KCNIP4: variants seen among roughly 807,000 people sequenced by gnomAD.
KCNIP4 encodes potassium voltage-gated channel interacting protein 4.
A neutral mutation model predicts 34.0 loss-of-function variants in KCNIP4; 12 were observed. The observed-to-expected ratio is 0.35, with a 90% CI of 0.23 to 0.57. The LOEUF (loss-of-function observed/expected upper bound fraction) is 0.57, where lower values mean the gene tolerates loss of function less well. Among genes scored for constraint, KCNIP4 ranks in the 20% least tolerant of loss-of-function variants. KCNIP4 has a pLI of 0.83. For synonymous variants in KCNIP4, 124 were observed against 102.2 expected (o/e 1.21, Z -1.29); for missense variants, 238 against 311.7 (o/e 0.76, Z 1.78).
chr4:21,742,408 C>T (rs1716473420), intron 1 of KCNIP4, among the ~76,000 whole-genome samples: 2 of 152,164 alleles, frequency 1.3e-5, no homozygotes, highest in Non-Finnish European at 2.9e-5. Flanking sequence ...CGATTTAGCT[C>T]CCTACATGGA....
intron 1 of KCNIP4, among the ~76,000 whole-genome samples, chr4:21,707,151 C>T (rs1262287427): frequency 6.6e-6 from 1 of 152,172 alleles, no homozygotes; most frequent in Non-Finnish European, 1.5e-5. Context: ...ATACGATAAA[C>T]ATTTTAGGTA....
At chr4:21,468,464 C>T (rs532008282) in intron 1 of KCNIP4, among the ~76,000 whole-genome samples, 1 of 152,236 alleles carries the variant, frequency 6.6e-6, no homozygotes, top group South Asian at 2.1e-4. Flanking sequence ...GTAAGTTGTG[C>T]TTTCATCGCT....
chr4:20,910,861 C>T (rs2149569960), intron 1 of KCNIP4, among the ~76,000 whole-genome samples: 1 of 152,266 alleles, frequency 6.6e-6, no homozygotes, highest in South Asian at 2.1e-4. Context: ...TTGAGTGTGA[C>T]ACAGCTCCTA....
In KCNIP4 at chr4:21,860,362, G is replaced by A. The variant is rs1332996129; in HGVS notation, c.61+88209C>T. 2.0e-5 allele frequency among the ~76,000 whole-genome samples: 3 copies of A among 152,086 alleles called. No homozygotes were observed. The East Asian group carries it at 5.8e-4, about 30-fold the overall frequency. ...TTAGCCAGGCTGGTCTCGAACTCCT[G>A]ACCTCAAGTGATCCGCCTGCCTCAG... On this transcript the variant is annotated intron_variant, in intron 1 of 8. Transcript: ENST00000382152.
intron 1 of KCNIP4, among the ~76,000 whole-genome samples, chr4:21,680,689 C>G (rs1750277310): frequency 6.6e-6 from 1 of 152,224 alleles, no homozygotes; most frequent in East Asian, 1.9e-4. Flanking sequence ...TAACATTAAT[C>G]TCTTTGTCTA....
intron 1 of KCNIP4, among the ~76,000 whole-genome samples, chr4:21,254,543 C>G (rs1244699155): frequency 2.0e-5 from 3 of 152,096 alleles, no homozygotes; most frequent in Non-Finnish European, 1.5e-5. Flanking sequence ...TTTTAATTGA[C>G]AAATAAAAAT....
chr4:21,647,319 A>G (rs528264703), intron 1 of KCNIP4, among the ~76,000 whole-genome samples: 10 of 152,258 alleles, frequency 6.6e-5, no homozygotes, highest in Admixed American at 2.0e-4. Context: ...ACTACAATTT[A>G]TCTTCCTAAT....
At chr4:21,438,663 TTAAAC>T (rs1727170487) in intron 1 of KCNIP4, among the ~76,000 whole-genome samples, 1 of 152,214 alleles carries the variant, frequency 6.6e-6, no homozygotes, top group South Asian at 2.1e-4. Context: ...TACCAGATAT[TTAAAC>T]TAATGTGGAC....
At chr4:21,014,898 G>A (rs1236029338) in intron 1 of KCNIP4, among the ~76,000 whole-genome samples, 1 of 152,084 alleles carries the variant, frequency 6.6e-6, no homozygotes, top group Non-Finnish European at 1.5e-5. Flanking sequence ...ACAAAATATG[G>A]CATAATATAC....
chr4:21,500,694 T>C (rs996983820), intron 1 of KCNIP4, among the ~76,000 whole-genome samples: 3 of 152,144 alleles, frequency 2.0e-5, no homozygotes, highest in Non-Finnish European at 4.4e-5. Context: ...ACAGTAAAAG[T>C]ACTGTCATAA....
intron 1 of KCNIP4, among the ~76,000 whole-genome samples, chr4:21,573,959 CAAG>C (rs949685145): frequency 6.6e-6 from 1 of 152,028 alleles, no homozygotes; most frequent in African/African-American, 2.4e-5. Context: ...GAACACTTTC[CAAG>C]AAGATCTACC....
Position 20,815,798 on chromosome 4 carries a change from C to G in KCNIP4, c.288+34745G>C, listed in dbSNP as rs141476221. ...TATCACACCCCTTTGAAAAACGCAACAGTATTTTCAGCTAGTCATCATTTT... is the reference window on the plus strand; with the variant it reads ...TATCACACCCCTTTGAAAAACGCAAGAGTATTTTCAGCTAGTCATCATTTT... On this transcript the variant is annotated intron_variant, in intron 3 of 8. Coordinates refer to ENST00000382152, the MANE Select transcript of KCNIP4 (RefSeq NM_025221.6). 4.6e-4 allele frequency among the ~76,000 whole-genome samples: 70 copies of G among 152,300 alleles called. No individual in the cohort carries two copies. In the East Asian group the frequency reaches 0.011, roughly 24 times the overall value.
chr4:21,260,862 C>A (rs1400041247), intron 1 of KCNIP4, among the ~76,000 whole-genome samples: 1 of 152,072 alleles, frequency 6.6e-6, no homozygotes, highest in Non-Finnish European at 1.5e-5. Flanking sequence ...TATTTAAGAT[C>A]AAACAGATAA....
chr4:21,569,334 A>G (rs1218067273), intron 1 of KCNIP4, among the ~76,000 whole-genome samples: 2 of 151,522 alleles, frequency 1.3e-5, no homozygotes, highest in African/African-American at 2.4e-5. Context: ...AGAAAATAAT[A>G]GAAAAACTTT....
intron 1 of KCNIP4, among the ~76,000 whole-genome samples, chr4:21,273,413 C>G (rs1283604730): frequency 6.6e-6 from 1 of 152,048 alleles, no homozygotes; most frequent in Non-Finnish European, 1.5e-5. Context: ...CTGTATTATC[C>G]TATCTCAGTG....
chr4:21,669,348 C>T (rs1008395714), intron 1 of KCNIP4, among the ~76,000 whole-genome samples: 24 of 152,206 alleles, frequency 1.6e-4, no homozygotes, highest in African/African-American at 5.8e-4. Flanking sequence ...ATCCTCTGGC[C>T]TTGGCCTCCC....
chr4:20,842,581 CAAAAAAAAAAAAAAA>C (rs59134256), intron 3 of KCNIP4, among the ~76,000 whole-genome samples: 2 of 69,688 alleles, frequency 2.9e-5, no homozygotes, highest in African/African-American at 1.2e-4. Flanking sequence ...CTTCTAATGG[CAAAAAAAAAAAAAAA>C]AAAAAAAAAA....
intron 1 of KCNIP4, chr4:21,852,905 A>C (rs1355055819): frequency 6.6e-6 from 1 of 152,198 alleles, no homozygotes; most frequent in Non-Finnish European, 1.5e-5. Context: ...AATTCCCCAC[A>C]AAAAACAAAA....
chr4:20,909,291 A>G (rs1459434114), intron 1 of KCNIP4, among the ~76,000 whole-genome samples: 1 of 152,148 alleles, frequency 6.6e-6, no homozygotes, highest in African/African-American at 2.4e-5. Flanking sequence ...GTGTTATTTC[A>G]TAGAGCATAT....
Sources: gnomAD v4.1 joint callset for allele counts (sites outside exome capture counted in the v4.1 genomes callset) on GRCh38, gnomAD v4.1.1 for gene constraint, MANE v1.5 for transcripts, NCBI Gene and HGNC (gene_info 2026-07-23, HGNC 2026-07-21) for gene names.